Variants in KCNQ3 observed in about 807,000 individuals in gnomAD.
KCNQ3 encodes potassium voltage-gated channel subfamily Q member 3.
Under a neutral mutation model 92.5 loss-of-function variants are expected in KCNQ3, and 30 were observed. The observed-to-expected ratio is 0.32, with a 90% CI of 0.24 to 0.44. KCNQ3 has a LOEUF of 0.44. Among genes scored for constraint, KCNQ3 ranks in the 20% least tolerant of loss-of-function variants. The pLI is 1.00. For missense variants in KCNQ3, 913 were observed against 1,140.3 expected, an observed-to-expected ratio of 0.80 and a Z score of 2.87; for synonymous variants, 450 against 468.8, an observed-to-expected ratio of 0.96 and a Z score of 0.52.
intron 1 of KCNQ3, among the ~76,000 whole-genome samples, chr8:132,187,813 G>A (rs1328964432): frequency 2.1e-5 from 3 of 145,190 alleles, no homozygotes; most frequent in Non-Finnish European, 4.5e-5. Flanking sequence ...AGTGATGGTG[G>A]TGGTGGTGGT....
chr8:132,463,889 C>A (rs1386337396), intron 1 of KCNQ3, among the ~76,000 whole-genome samples: 1 of 152,192 alleles, frequency 6.6e-6, no homozygotes, highest in African/African-American at 2.4e-5. Context: ...CTCGGCTCAC[C>A]GCAACCTCCG....
chr8:132,229,418 T>G (rs1278172937), intron 1 of KCNQ3, among the ~76,000 whole-genome samples: 2 of 152,036 alleles, frequency 1.3e-5, no homozygotes, highest in Non-Finnish European at 2.9e-5. Context: ...GGACTTCAAG[T>G]CAACTTGACT....
intron 1 of KCNQ3, among the ~76,000 whole-genome samples, chr8:132,205,706 G>A (rs1378851976): frequency 6.6e-6 from 1 of 152,212 alleles, no homozygotes; most frequent in Non-Finnish European, 1.5e-5. Flanking sequence ...TCCACTATGT[G>A]AGACTATAGT....
intron 7 of KCNQ3, among the ~76,000 whole-genome samples, 165 bp downstream of exon 7, chr8:132,172,433 C>CACACAG (rs1826403529): frequency 6.6e-6 from 1 of 150,700 alleles, no homozygotes; most frequent in African/African-American, 2.5e-5. Flanking sequence ...CACACACACA[C>CACACAG]ACAGACACAC....
chr8:132,419,799 C>T (rs1311155573), intron 1 of KCNQ3, among the ~76,000 whole-genome samples: 1 of 152,196 alleles, frequency 6.6e-6, no homozygotes, highest in Admixed American at 6.5e-5. Context: ...CACAGATATT[C>T]AGCATCAGTA....
chr8:132,334,112 A>T (rs1818301931), intron 1 of KCNQ3, among the ~76,000 whole-genome samples: 1 of 152,166 alleles, frequency 6.6e-6, no homozygotes, highest in African/African-American at 2.4e-5. Flanking sequence ...AGTGGCAGAG[A>T]CAGGTGTAGT....
intron 1 of KCNQ3, among the ~76,000 whole-genome samples, chr8:132,374,370 C>G (rs555813686): frequency 1.3e-5 from 2 of 152,160 alleles, no homozygotes; most frequent in Non-Finnish European, 2.9e-5. Context: ...GAAACTTCAT[C>G]GAGGGATGTC....
intron 4 of KCNQ3, among the ~76,000 whole-genome samples, 177 bp downstream of exon 4, chr8:132,179,980 T>G (rs1826700378): frequency 6.6e-6 from 1 of 152,194 alleles, no homozygotes; most frequent in South Asian, 2.1e-4. Flanking sequence ...CACCTGCTCC[T>G]GCCCCTACCC....
rs577211871 is a variant in KCNQ3, at chr8:132,130,717, T to C, written c.1885-721A>G. On this transcript the variant is annotated intron_variant, in intron 14 of 14. Transcript: ENST00000388996. ...GTTAGTCTATGTTTCTTCTACATGG[T>C]GATTTAAGCCCTAAAAATACAAGGG... Among the ~76,000 whole-genome samples the C allele has an allele frequency of 4.6e-5, 7 of 152,312 alleles. No homozygotes were observed. The South Asian group carries it at 1.5e-3, about 32-fold the overall frequency.
intron 1 of KCNQ3, among the ~76,000 whole-genome samples, chr8:132,373,227 G>C (rs1040559196): frequency 1.4e-5 from 2 of 142,550 alleles, no homozygotes; most frequent in African/African-American, 2.6e-5. Flanking sequence ...CACAGAGAGG[G>C]AGACCAGAGA....
intron 1 of KCNQ3, among the ~76,000 whole-genome samples, chr8:132,443,307 G>T (rs1821587265): frequency 6.6e-6 from 1 of 151,730 alleles, no homozygotes; most frequent in Non-Finnish European, 1.5e-5. Flanking sequence ...ATTCGCTCTG[G>T]CTTTGTTCAC....
rs538083285 is a variant in KCNQ3 at position 132,464,954 on chromosome 8, T to C, written c.386+15193A>G. Among the ~76,000 whole-genome samples the C allele has an allele frequency of 9.8e-5, 15 of 152,354 alleles. No homozygotes were observed. In the South Asian group the frequency reaches 2.7e-3, roughly 27 times the overall value. On this transcript the variant is annotated intron_variant, in intron 1 of 14. Coordinates refer to ENST00000388996, the MANE Select transcript of KCNQ3 (RefSeq NM_004519.4). ...GCATGTCTTGAGTTTGATCAGTGTA[T>C]GTATACAAAACCTAAAGGATTACAT...
intron 2 of KCNQ3, among the ~76,000 whole-genome samples, chr8:132,185,209 T>G (rs1345917971): frequency 6.6e-6 from 1 of 152,246 alleles, no homozygotes; most frequent in Non-Finnish European, 1.5e-5. Context: ...AAGAGCTGAC[T>G]CTGGTGCCTC....
chr8:132,337,382 AG>A (rs1818394490), intron 1 of KCNQ3, among the ~76,000 whole-genome samples: 1 of 152,146 alleles, frequency 6.6e-6, no homozygotes, highest in Admixed American at 6.5e-5. Flanking sequence ...CTGTAGTGCC[AG>A]CTACTCAGGG....
intron 1 of KCNQ3, among the ~76,000 whole-genome samples, chr8:132,278,546 C>T (rs1370787454): frequency 1.3e-5 from 2 of 152,136 alleles, no homozygotes; most frequent in East Asian, 3.9e-4. Flanking sequence ...GAACACAGTT[C>T]GATGGGACTG....
chr8:132,129,016 G>T lies in KCNQ3; in HGVS notation c.*246C>A, dbSNP rs1199418829. 1 of 567,634 alleles carries T rather than the reference G, an allele frequency of 1.8e-6. No homozygotes were observed. The highest frequency in any genetic ancestry group is 2.1e-5 in the South Asian group (1 of 47,162). The allele number at this position is 567,634 out of a possible 1,614,324, so 35.2% of individuals were successfully genotyped here. A position where few individuals can be genotyped will look rare whatever the true frequency, so the allele number is the denominator to read the frequency against. ...GAACAGCAGATAAATGTGTATCCTA[G>T]AAGAGATTAGCGGAACCATTTATAT... is the stretch of plus-strand genomic sequence containing the variant. On this transcript the variant is annotated 3_prime_UTR_variant, in exon 15 of 15. Transcript: ENST00000388996. This position sits in a 1 kb window ranked among gnomAD's most constrained non-coding sequence, Gnocchi z 5.9.
At chr8:132,242,862 T>C (rs1282168572) in intron 1 of KCNQ3, among the ~76,000 whole-genome samples, 2 of 152,346 alleles carry the variant, frequency 1.3e-5, no homozygotes, top group South Asian at 2.1e-4. Flanking sequence ...TGGAGTAGAC[T>C]TCATTTTCCT....
chr8:132,274,514 A>G (rs1223335318), intron 1 of KCNQ3, among the ~76,000 whole-genome samples: 1 of 152,228 alleles, frequency 6.6e-6, no homozygotes, highest in Non-Finnish European at 1.5e-5. Flanking sequence ...TGTACTCTCT[A>G]ACAGGGTTCA....
chr8:132,459,146 G>A (rs1260624773), intron 1 of KCNQ3, among the ~76,000 whole-genome samples: 3 of 152,076 alleles, frequency 2.0e-5, no homozygotes, highest in Non-Finnish European at 4.4e-5. Context: ...ATAATTAAAC[G>A]GGGGTTATGG....
Sources: gnomAD v4.1 joint callset for allele counts (sites outside exome capture counted in the v4.1 genomes callset) on GRCh38, gnomAD v4.1.1 for gene constraint, Gnocchi (gnomAD v3.1) non-coding constraint, MANE v1.5 for transcripts, NCBI Gene and HGNC (gene_info 2026-07-23, HGNC 2026-07-21) for gene names.